The following CREB3L1 variants were observed in gnomAD, a reference collection of about 807,000 sequenced individuals.
CREB3L1 encodes cAMP responsive element binding protein 3 like 1.
In CREB3L1, 33 loss-of-function variants were observed where a neutral mutation model predicts 54.5. The observed-to-expected ratio is 0.61, with a 90% CI of 0.46 to 0.81. The LOEUF is 0.81. CREB3L1 is among the 30% of genes least tolerant of loss of function. The pLI is 0.00. For synonymous variants in CREB3L1, 284 were observed against 286.4 expected (o/e 0.99, Z 0.08); for missense variants, 656 against 673.3 (o/e 0.97, Z 0.29).
chr11:46,294,386 G>T (rs1240037916), intron 1 of CREB3L1, among the ~76,000 whole-genome samples: 2 of 152,066 alleles, frequency 1.3e-5, no homozygotes, highest in Non-Finnish European at 2.9e-5. Context: ...AAAAGGCCAG[G>T]GCAGAGGAAA....
intron 2 of CREB3L1, among the ~76,000 whole-genome samples, chr11:46,307,178 G>C (rs895286146): frequency 6.6e-6 from 1 of 151,932 alleles, no homozygotes; most frequent in Non-Finnish European, 1.5e-5. Flanking sequence ...GCACCTGGCC[G>C]CTCAAGTGAT....
At chr11:46,304,763 C>T (rs1364883053) in intron 2 of CREB3L1, among the ~76,000 whole-genome samples, 1 of 152,012 alleles carries the variant, frequency 6.6e-6, no homozygotes, top group Non-Finnish European at 1.5e-5. Context: ...AATCTTGGCT[C>T]ACCTCCTGGC....
chr11:46,319,347 C>T (rs1939613475), intron 10 of CREB3L1, among the ~76,000 whole-genome samples: 1 of 152,226 alleles, frequency 6.6e-6, no homozygotes, highest in South Asian at 2.1e-4. Flanking sequence ...ATCCTCCCTT[C>T]AGGGAGGACA....
At chr11:46,302,064 A>T (rs990780465) in intron 2 of CREB3L1, among the ~76,000 whole-genome samples, 2 of 151,592 alleles carry the variant, frequency 1.3e-5, no homozygotes, top group Non-Finnish European at 2.9e-5. Context: ...GCTACTCAGG[A>T]GGCTAAGGCA....
chr11:46,306,425 G>A (rs555146696), intron 2 of CREB3L1, among the ~76,000 whole-genome samples: 1 of 151,862 alleles, frequency 6.6e-6, no homozygotes, highest in South Asian at 2.1e-4. Context: ...AACCAATTGA[G>A]CCAGGAAGGT....
chr11:46,313,043 G>A, intron 8 of CREB3L1, 124 bp downstream of exon 8: 1 of 705,548 alleles, frequency 1.4e-6, no homozygotes, highest in Non-Finnish European at 2.4e-6. Context: ...AGGGACCCCA[G>A]AAACACACCC....
rs774283491 is a variant in CREB3L1 at position 46,320,393 on chromosome 11, C to T, written c.1388C>T (p.Pro463Leu). The T allele has an allele frequency of 4.2e-5, 68 of 1,610,928 alleles. No individual in the cohort carries two copies. The highest frequency in any genetic ancestry group is 3.3e-4 in the Middle Eastern group (2 of 6,078). ...INPGGPAEQRPRDHLQHDHLD... is the reference protein window; with the variant it reads ...INPGGPAEQRLRDHLQHDHLD... ...CCCGGGGGGCCGGCAGAGCAGCGGC[C>T]CCGGGACCACCTGCAGCATGATCAC... The change falls in exon 11 of 12, where the codon CCC becomes CTC. Residue 463 changes from proline (P) to leucine (L), a missense_variant. Pro to Leu is a moderately conservative substitution (Grantham distance 98). Around this residue, in one of 3 missense-constraint regions of CREB3L1, gnomAD observed 240 missense variants for 219.8 expected, o/e 1.09. Transcript: ENST00000621158.
In CREB3L1 at chr11:46,294,667, A is replaced by G. The variant is rs537762055; in HGVS notation, c.103-5268A>G. Among the ~76,000 whole-genome samples, 13 of 151,908 alleles carry G rather than the reference A, an allele frequency of 8.6e-5. No homozygotes were observed. The East Asian group carries it at 2.5e-3, about 29-fold the overall frequency. ...CTACTGGATGGCAATGCTTAAGGACAGGGGGGTCTGCTGACAACCGGGGAC... is the reference window on the plus strand; with the variant it reads ...CTACTGGATGGCAATGCTTAAGGACGGGGGGGTCTGCTGACAACCGGGGAC... On this transcript the variant is annotated intron_variant, in intron 1 of 11. Coordinates refer to ENST00000621158, the MANE Select transcript of CREB3L1 (RefSeq NM_052854.4).
At chr11:46,300,189 A>C in intron 2 of CREB3L1, 26 bp downstream of exon 2, 1 of 1,563,058 alleles carries the variant, frequency 6.4e-7, no homozygotes, top group Non-Finnish European at 8.8e-7. Flanking sequence ...ACCTGGGGAC[A>C]GCACAGGCCC....
intron 1 of CREB3L1, among the ~76,000 whole-genome samples, chr11:46,280,553 A>G (rs577950653): frequency 6.6e-6 from 1 of 152,292 alleles, no homozygotes; most frequent in South Asian, 2.1e-4. Flanking sequence ...TATTAGAACT[A>G]TAGCATTACT....
Position 46,278,936 on chromosome 11 carries a change from C to A in CREB3L1, c.102+723C>A, listed in dbSNP as rs1938926203. Among the ~76,000 whole-genome samples, 1 of 152,228 alleles carries A rather than the reference C, an allele frequency of 6.6e-6. No homozygotes were observed. The highest frequency in any genetic ancestry group is 6.5e-5 in the Admixed American group (1 of 15,290). ...CCGACTGTGAGCTTGTCTTTCTCCTCTTTCTCACTCTTCCCCTCCCTCCCT... is the reference window on the plus strand; with the variant it reads ...CCGACTGTGAGCTTGTCTTTCTCCTATTTCTCACTCTTCCCCTCCCTCCCT... On this transcript the variant is annotated intron_variant, in intron 1 of 11. Coordinates refer to ENST00000621158, the MANE Select transcript of CREB3L1 (RefSeq NM_052854.4). This position sits in a 1 kb window ranked among gnomAD's most constrained non-coding sequence, Gnocchi z 4.2.
At chr11:46,301,073 G>A (rs1297388303) in intron 2 of CREB3L1, among the ~76,000 whole-genome samples, 4 of 150,500 alleles carry the variant, frequency 2.7e-5, no homozygotes, top group African/African-American at 7.4e-5. Context: ...CCAGCTACTC[G>A]GGAGGCTAAG....
chr11:46,303,579 G>A (rs765804932), intron 2 of CREB3L1, among the ~76,000 whole-genome samples: 15 of 152,182 alleles, frequency 9.9e-5, no homozygotes, highest in Non-Finnish European at 1.8e-4. Flanking sequence ...AGGAAGCGGA[G>A]GTTGCAGTGA....
At chr11:46,288,693 C>T in intron 1 of CREB3L1, among the ~76,000 whole-genome samples, 1 of 152,142 alleles carries the variant, frequency 6.6e-6, no homozygotes, top group East Asian at 1.9e-4. Flanking sequence ...AGGATGAACC[C>T]AGTGTGTGGA....
intron 5 of CREB3L1, 73 bp downstream of exon 5, chr11:46,311,262 A>G (rs1939481438): frequency 7.0e-7 from 1 of 1,423,360 alleles, no homozygotes; most frequent in Non-Finnish European, 9.2e-7. Flanking sequence ...CTGGCCAGTC[A>G]GGAGGGTTTG....
At chr11:46,293,557 T>C (rs1461522292) in intron 1 of CREB3L1, among the ~76,000 whole-genome samples, 2 of 152,242 alleles carry the variant, frequency 1.3e-5, no homozygotes, top group Admixed American at 1.3e-4. Flanking sequence ...TGCCTTGAAG[T>C]AGCCCGCGGC....
chr11:46,281,868 A>T (rs1590336511), intron 1 of CREB3L1, among the ~76,000 whole-genome samples: 1 of 152,182 alleles, frequency 6.6e-6, no homozygotes, highest in East Asian at 1.9e-4. Flanking sequence ...CAGAAGTGCT[A>T]AGGCACTCTG....
intron 1 of CREB3L1, among the ~76,000 whole-genome samples, chr11:46,290,797 G>A (rs1939119637): frequency 6.6e-6 from 1 of 152,000 alleles, no homozygotes; most frequent in African/African-American, 2.4e-5. Context: ...GGTTGGGGGT[G>A]GGGAGGCAAG....
intron 2 of CREB3L1, among the ~76,000 whole-genome samples, chr11:46,305,883 G>A (rs1406832176): frequency 1.3e-5 from 2 of 150,670 alleles, no homozygotes; most frequent in Non-Finnish European, 3.0e-5. Flanking sequence ...GACTACAGGC[G>A]CCCGCCACCA....
Sources: allele counts gnomAD v4.1 joint callset (sites outside exome capture counted in the v4.1 genomes callset), GRCh38; gene constraint gnomAD v4.1.1; regional missense constraint gnomAD v4.1.1; non-coding constraint Gnocchi (gnomAD v3.1); transcripts MANE v1.5; gene names NCBI Gene and HGNC (gene_info 2026-07-23, HGNC 2026-07-21).